Variants in MICU1 observed in about 807,000 individuals in gnomAD.
MICU1 encodes the protein mitochondrial calcium uptake 1, also known as calcium uptake protein 1, mitochondrial.
A neutral mutation model predicts 56.8 loss-of-function variants in MICU1; 45 were observed. That is an observed-to-expected ratio of 0.79 (90% CI 0.62 to 1.02). The LOEUF (loss-of-function observed/expected upper bound fraction) is 1.02. Among genes scored for constraint, MICU1 ranks in the 50% least tolerant of loss-of-function variants. MICU1 has a pLI of 0.00. For synonymous variants in MICU1, 186 were observed against 195.1 expected (o/e 0.95, Z 0.39); for missense variants, 504 against 587.1 (o/e 0.86, Z 1.46).
intron 6 of MICU1, among the ~76,000 whole-genome samples, chr10:72,479,046 G>C (rs1276336757): frequency 1.3e-5 from 2 of 152,208 alleles, no homozygotes; most frequent in Admixed American, 1.3e-4. Context: ...GAGTTACTAT[G>C]TGGCAGGCAT....
intron 5 of MICU1, among the ~76,000 whole-genome samples, chr10:72,515,148 C>T (rs921096725): frequency 6.6e-6 from 1 of 152,148 alleles, no homozygotes; most frequent in Non-Finnish European, 1.5e-5. Context: ...GAACATGGGC[C>T]GCCATCCTTA....
At chr10:72,402,581 C>CA (rs372176510) in intron 10 of MICU1, among the ~76,000 whole-genome samples, 74 of 151,436 alleles carry the variant, frequency 4.9e-4, no homozygotes, top group African/African-American at 1.7e-3. Flanking sequence ...AAACAAAAAA[C>CA]AAAAAAACAA....
intron 8 of MICU1, among the ~76,000 whole-genome samples, chr10:72,471,044 C>T (rs1865934849): frequency 6.6e-6 from 1 of 152,120 alleles, no homozygotes; most frequent in South Asian, 2.1e-4. Flanking sequence ...ATGCATGAAA[C>T]CCCTAATCTG....
intron 1 of MICU1, among the ~76,000 whole-genome samples, chr10:72,599,624 T>C (rs1186686488): frequency 1.3e-5 from 2 of 152,192 alleles, no homozygotes; most frequent in Non-Finnish European, 2.9e-5. Context: ...AATTCAGATT[T>C]GTTAAAGAGA....
At chr10:72,598,401 G>A (rs998066500) in intron 1 of MICU1, among the ~76,000 whole-genome samples, 30 of 151,796 alleles carry the variant, frequency 2.0e-4, no homozygotes, top group African/African-American at 5.3e-4. Flanking sequence ...GACTACAGGC[G>A]CCCGCCACCA....
intron 1 of MICU1, among the ~76,000 whole-genome samples, chr10:72,609,002 T>C (rs909090884): frequency 1.3e-5 from 2 of 152,248 alleles, no homozygotes; most frequent in Non-Finnish European, 2.9e-5. Flanking sequence ...TCAATTAAGC[T>C]CTGTTAAATT....
At chr10:72,500,830 A>G (rs1036484365) in intron 6 of MICU1, among the ~76,000 whole-genome samples, 3 of 152,352 alleles carry the variant, frequency 2.0e-5, no homozygotes, top group Middle Eastern at 3.4e-3. Flanking sequence ...ATCCAAGTCA[A>G]TAAATAATAT....
chr10:72,544,948 GA>G (rs1839862412), intron 4 of MICU1, among the ~76,000 whole-genome samples: 1 of 151,960 alleles, frequency 6.6e-6, no homozygotes, highest in Non-Finnish European at 1.5e-5. Context: ...GATTATTTTT[GA>G]ACTGTTCTAA....
chr10:72,528,776 C>G (rs576742131), intron 5 of MICU1: 3 of 220,304 alleles, frequency 1.4e-5, no homozygotes, highest in African/African-American at 7.1e-5. Context: ...CTTATTTTAT[C>G]TGAGAAATAA....
intron 1 of MICU1, among the ~76,000 whole-genome samples, chr10:72,575,780 T>G (rs1317594756): frequency 6.6e-6 from 1 of 152,176 alleles, no homozygotes; most frequent in Non-Finnish European, 1.5e-5. Flanking sequence ...TTTCCCCGTC[T>G]CTCTCCCTTT....
intron 4 of MICU1, among the ~76,000 whole-genome samples, chr10:72,543,911 A>T (rs1839835554): frequency 6.6e-6 from 1 of 152,098 alleles, no homozygotes; most frequent in Non-Finnish European, 1.5e-5. Flanking sequence ...TCTTATGCTG[A>T]CCACCCCTCA....
chr10:72,491,852 G>A (rs1679721375), intron 6 of MICU1, among the ~76,000 whole-genome samples: 2 of 151,648 alleles, frequency 1.3e-5, no homozygotes, highest in South Asian at 4.2e-4. Flanking sequence ...GAATTCTACA[G>A]TACCATAAAC....
chr10:72,566,515 T>C (rs1431552416), intron 2 of MICU1, 118 bp downstream of exon 2: 10 of 1,037,670 alleles, frequency 9.6e-6, no homozygotes, highest in Non-Finnish European at 1.2e-5. Context: ...CAATACCAAA[T>C]GATCCGAGCA....
At chr10:72,431,770 C>T (rs1864540570) in intron 8 of MICU1, among the ~76,000 whole-genome samples, 1 of 152,068 alleles carries the variant, frequency 6.6e-6, no homozygotes, top group South Asian at 2.1e-4. Flanking sequence ...TTTAATGCTC[C>T]CAATGTAGTC....
At chr10:72,551,554 A>T (rs1177013122) in intron 3 of MICU1, among the ~76,000 whole-genome samples, 3 of 152,168 alleles carry the variant, frequency 2.0e-5, no homozygotes, top group African/African-American at 7.2e-5. Context: ...GCAATATACC[A>T]TTCATATTCC....
At chr10:72,577,725 A>AC (rs1470643321) in intron 1 of MICU1, among the ~76,000 whole-genome samples, 3 of 152,202 alleles carry the variant, frequency 2.0e-5, no homozygotes, top group Non-Finnish European at 4.4e-5. Context: ...AATTAAAAAA[A>AC]TTTTTTTTAA....
intron 6 of MICU1, among the ~76,000 whole-genome samples, chr10:72,504,179 C>A (rs957036213): frequency 6.6e-6 from 1 of 152,058 alleles, no homozygotes; most frequent in African/African-American, 2.4e-5. Context: ...ATAGCCAAAG[C>A]AATCCTAAGC....
chr10:72,616,074 T>C (rs1841971944), intron 1 of MICU1, among the ~76,000 whole-genome samples: 1 of 152,228 alleles, frequency 6.6e-6, no homozygotes, highest in Non-Finnish European at 1.5e-5. Context: ...TTATGAAAAC[T>C]GTTTTAAATC....
intron 5 of MICU1, among the ~76,000 whole-genome samples, chr10:72,512,463 G>A (rs2132357806): frequency 6.6e-6 from 1 of 152,162 alleles, no homozygotes; most frequent in Middle Eastern, 3.4e-3. Context: ...ACAAGGTAAG[G>A]AATTTTGATT....
Sources: gnomAD v4.1 joint callset for allele counts (sites outside exome capture counted in the v4.1 genomes callset) on GRCh38, gnomAD v4.1.1 for gene constraint, MANE v1.5 for transcripts, NCBI Gene and HGNC (gene_info 2026-07-23, HGNC 2026-07-21) for gene names.